CATSPERB: variants seen among roughly 807,000 people sequenced by gnomAD.
The protein encoded by CATSPERB is cation channel sperm-associated auxiliary subunit beta.
Under a neutral mutation model 128.3 loss-of-function variants are expected in CATSPERB, and 93 were observed. That is an observed-to-expected ratio of 0.72 (90% confidence interval 0.61 to 0.86). The LOEUF (loss-of-function observed/expected upper bound fraction) is 0.86. Ranked by LOEUF, CATSPERB falls within the 40% of genes least tolerant of loss-of-function variation. CATSPERB has a pLI of 0.00. For missense variants in CATSPERB, 1,153 were observed against 1,329.5 expected, an observed-to-expected ratio of 0.87 and a Z score of 2.06; for synonymous variants, 381 against 448.8, an observed-to-expected ratio of 0.85 and a Z score of 1.91.
chr14:91,679,338 T>C (rs1032154124), intron 11 of CATSPERB, among the ~76,000 whole-genome samples: 1 of 152,146 alleles, frequency 6.6e-6, no homozygotes. Context: ...ATTAAAATAA[T>C]TTTGTATGAG....
At chr14:91,635,531 T>C (rs897296620) in intron 17 of CATSPERB, 1 of 152,074 alleles carries the variant, frequency 6.6e-6, no homozygotes, top group African/African-American at 2.4e-5. Context: ...TAATTTTTTT[T>C]ATTTTTAGTA....
chr14:91,722,473 G>A (rs952012731), intron 4 of CATSPERB, among the ~76,000 whole-genome samples: 1 of 152,170 alleles, frequency 6.6e-6, no homozygotes, highest in Non-Finnish European at 1.5e-5. Flanking sequence ...AGAAAGATTA[G>A]TGGTTGTCTA....
rs571737741 is a variant in CATSPERB at position 91,599,448 on chromosome 14, A to G, written c.2710-7446T>C. ...GTGGCGGGCGCCTGTAGTCCCAGCT[A>G]CTTGGGAGGCTGAGGCAGGAGAATG... On this transcript the variant is annotated intron_variant, in intron 22 of 26. Transcript: ENST00000256343. Among the ~76,000 whole-genome samples the G allele has an allele frequency of 4.8e-5, 7 of 147,274 alleles. No individual in the cohort carries two copies. The South Asian group carries it at 1.5e-3, about 31-fold the overall frequency.
Position 91,621,710 on chromosome 14 carries a change from A to G in CATSPERB, c.2158T>C (p.Tyr720His). The change falls in exon 19 of 27, where the codon TAT (tyrosine) becomes CAT (histidine). Residue 720 changes from tyrosine (Y) to histidine (H), a missense_variant. By Grantham distance (83) the Tyr-to-His change is moderately conservative. Transcript: ENST00000256343. ...GGTGAATCATCATGTTGAAACCAAT[A>G]ATTACATGGTTTTGAATATATTTTC... The part of the protein sequence containing the change: ...TWKIYSKPCN[Y>H]WFQHDDSPSL... 6.2e-7 allele frequency: 1 copy of G among 1,612,984 alleles called. No individual in the cohort carries two copies. The highest frequency in any genetic ancestry group is 1.1e-5 in the South Asian group (1 of 91,042).
chr14:91,640,820 A>G (rs1201116934), intron 15 of CATSPERB, among the ~76,000 whole-genome samples: 1 of 136,818 alleles, frequency 7.3e-6, no homozygotes, highest in African/African-American at 2.8e-5. Flanking sequence ...GAATCGCCAC[A>G]CTGACTTCCA....
Position 91,683,891 on chromosome 14 carries a change from C to G in CATSPERB, c.917G>C (p.Arg306Thr). The G allele has an allele frequency of 6.2e-7, 1 of 1,605,538 alleles. No individual in the cohort carries two copies. The highest frequency in any genetic ancestry group is 2.2e-5 in the East Asian group (1 of 44,682). The change falls in exon 11 of 27, where the codon AGA becomes ACA. Residue 306 changes from arginine (R) to threonine (T), a missense_variant. By Grantham distance (71) the Arg-to-Thr change is moderately conservative. Transcript: ENST00000256343. ...LWYNERCFAN[R>T]EHFEVDYVTV... ...CCAAAATTTACCTTCAAAGTGCTCT[C>G]TGTTAGCAAAACATCTTTCATTATA...
chr14:91,664,935 G>C (rs1894954076), intron 14 of CATSPERB, among the ~76,000 whole-genome samples: 1 of 152,136 alleles, frequency 6.6e-6, no homozygotes, highest in Admixed American at 6.5e-5. Context: ...TGTCACCCAG[G>C]TTGGAGTGCA....
chr14:91,618,428 A>G (rs531620534), intron 19 of CATSPERB, among the ~76,000 whole-genome samples: 1 of 152,278 alleles, frequency 6.6e-6, no homozygotes, highest in East Asian at 1.9e-4. Context: ...CTGTGGTTCA[A>G]ACGCCTCTGA....
intron 11 of CATSPERB, among the ~76,000 whole-genome samples, chr14:91,677,726 T>C (rs1895215049): frequency 6.6e-6 from 1 of 152,162 alleles, no homozygotes; most frequent in Non-Finnish European, 1.5e-5. Context: ...CTAAGGAAAA[T>C]AAATCATTCT....
chr14:91,679,360 T>C (rs1454707343), intron 11 of CATSPERB, among the ~76,000 whole-genome samples: 3 of 152,160 alleles, frequency 2.0e-5, no homozygotes, highest in Admixed American at 6.6e-5. Context: ...AAATATCTTA[T>C]ATGGTAAATT....
chr14:91,683,064 C>T (rs890414616), intron 11 of CATSPERB, among the ~76,000 whole-genome samples: 1 of 152,156 alleles, frequency 6.6e-6, no homozygotes, highest in East Asian at 1.9e-4. Context: ...CCCCTTAGTG[C>T]AGGGAAGACT....
chr14:91,638,706 G>A (rs1366708777), intron 16 of CATSPERB, among the ~76,000 whole-genome samples: 1 of 152,214 alleles, frequency 6.6e-6, no homozygotes, highest in Admixed American at 6.5e-5. Flanking sequence ...ACAGGCATGA[G>A]CCATGGCGCC....
chr14:91,654,216 G>A (rs1324253098), intron 15 of CATSPERB, among the ~76,000 whole-genome samples: 1 of 152,196 alleles, frequency 6.6e-6, no homozygotes, highest in Admixed American at 6.5e-5. Flanking sequence ...ATTGAACAAT[G>A]ATCCACACAA....
rs1436273305 is a variant in CATSPERB, at chr14:91,621,928, G to A, written c.1940C>T (p.Ala647Val). Residue 647 changes from alanine to valine, a missense_variant, in exon 19 of 27, where the codon GCC (alanine) becomes GTC (valine). Physicochemically the swap from Ala to Val is moderately conservative, Grantham distance 64. Coordinates refer to ENST00000256343, the MANE Select transcript of CATSPERB (RefSeq NM_024764.4). ...CTCTATATCTGTATCTTCAAACAAGGCCTGAACAACTGGAGATTAAACAGA... is the reference window on the plus strand; with the variant it reads ...CTCTATATCTGTATCTTCAAACAAGACCTGAACAACTGGAGATTAAACAGA... ...KLTLDSQVVQ[A>V]LFEDTDIEKT... 1.3e-6 allele frequency: 2 copies of A among 1,586,634 alleles called. No homozygotes were observed. The highest frequency in any genetic ancestry group is 2.2e-5 in the East Asian group (1 of 44,604).
intron 26 of CATSPERB, among the ~76,000 whole-genome samples, chr14:91,586,571 A>AAGAGAGAGAGAGAGAGAG (rs35756131): frequency 6.2e-4 from 71 of 114,244 alleles, no homozygotes; most frequent in African/African-American, 2.2e-3. Flanking sequence ...GAGAGAGAGA[A>AAGAGAGAGAGAGAGAGAG]AGAGAGAGAG....
intron 22 of CATSPERB, among the ~76,000 whole-genome samples, 177 bp downstream of exon 22, chr14:91,608,117 G>GC (rs1208269035): frequency 1.3e-5 from 2 of 152,160 alleles, no homozygotes; most frequent in Admixed American, 6.5e-5. Context: ...CTCCAAAACT[G>GC]TATTCAGGAA....
intron 5 of CATSPERB, among the ~76,000 whole-genome samples, chr14:91,716,539 C>A (rs1477023173): frequency 6.6e-6 from 1 of 152,108 alleles, no homozygotes; most frequent in African/African-American, 2.4e-5. Context: ...GATTGCACCA[C>A]TGCACTCCAG....
intron 10 of CATSPERB, among the ~76,000 whole-genome samples, chr14:91,691,212 C>T (rs11847735): frequency 0.015 from 2,224 of 152,202 alleles, 53 homozygotes; most frequent in African/African-American, 0.05. Flanking sequence ...GTGCAGAATC[C>T]AAACTGAACA....
chr14:91,702,423 A>G (rs1895665540), intron 7 of CATSPERB, among the ~76,000 whole-genome samples: 2 of 151,554 alleles, frequency 1.3e-5, no homozygotes, highest in Admixed American at 6.6e-5. Context: ...ACCTAGTAAA[A>G]CTAAAGGAAT....
Sources: gnomAD v4.1 joint callset for allele counts (sites outside exome capture counted in the v4.1 genomes callset) on GRCh38, gnomAD v4.1.1 for gene constraint, MANE v1.5 for transcripts, NCBI Gene and HGNC (gene_info 2026-07-23, HGNC 2026-07-21) for gene names.